The following MTURN variants were observed in gnomAD, a reference collection of about 807,000 sequenced individuals.
MTURN encodes maturin, neural progenitor differentiation regulator homolog.
MTURN carries 7 observed loss-of-function variants against 14.9 expected under a neutral mutation model. The ratio of observed to expected loss-of-function variants is 0.47; its 90% confidence interval spans 0.27 to 0.88. MTURN has a LOEUF of 0.88. MTURN is among the 40% of genes least tolerant of loss of function. MTURN has a pLI of 0.14. For synonymous variants in MTURN, 69 were observed against 72.5 expected (o/e 0.95, Z 0.25); for missense variants, 151 against 174.1 (o/e 0.87, Z 0.75).
intron 1 of MTURN, among the ~76,000 whole-genome samples, chr7:30,140,394 G>GTT (rs1797032133): frequency 2.8e-5 from 1 of 36,268 alleles, no homozygotes; most frequent in Non-Finnish European, 8.1e-5. Context: ...TTTGTAGAGG[G>GTT]GTGTGTGTGT....
Position 30,157,938 on chromosome 7 carries a change from G to C in MTURN, c.*390G>C, listed in dbSNP as rs1797311924. ...TCACAGGTGACCTTACTGAGGGAAA[G>C]CATGGCAGAGAAGAAATGCAGTCTG... is the stretch of plus-strand genomic sequence containing the variant. On this transcript the variant is annotated 3_prime_UTR_variant, in exon 3 of 3. Coordinates refer to ENST00000324453, the MANE Select transcript of MTURN (RefSeq NM_152793.3). 1 of 153,374 alleles carries C rather than the reference G, an allele frequency of 6.5e-6. No homozygotes were observed. The highest frequency in any genetic ancestry group is 1.5e-5 in the Non-Finnish European group (1 of 68,480). The allele number at this position is 153,374 out of a possible 1,614,324, so 9.5% of individuals were successfully genotyped here.
intron 1 of MTURN, among the ~76,000 whole-genome samples, chr7:30,136,849 A>G (rs1277007936): frequency 2.6e-5 from 4 of 152,174 alleles, no homozygotes; most frequent in Non-Finnish European, 5.9e-5. Flanking sequence ...AACGCACCGA[A>G]TAGTCCCTAA....
At chr7:30,154,090 C>G (rs111949729) in intron 2 of MTURN, among the ~76,000 whole-genome samples, 1 of 152,106 alleles carries the variant, frequency 6.6e-6, no homozygotes, top group Non-Finnish European at 1.5e-5. Flanking sequence ...AGCCAGCAAA[C>G]GAGACACGGG....
intron 1 of MTURN, 56 bp downstream of exon 1, chr7:30,135,354 C>G (rs1470129000): frequency 9.8e-6 from 14 of 1,422,602 alleles, no homozygotes; most frequent in Non-Finnish European, 1.3e-5. Context: ...CGCGGCGGTG[C>G]GTCCCTGCGC....
intron 1 of MTURN, among the ~76,000 whole-genome samples, chr7:30,141,716 G>A (rs776598235): frequency 3.3e-5 from 5 of 152,090 alleles, no homozygotes; most frequent in Non-Finnish European, 1.5e-5. Flanking sequence ...GGAGACTGGA[G>A]TCTTGCTCTG....
At chr7:30,142,540 T>G (rs1399112566) in intron 1 of MTURN, among the ~76,000 whole-genome samples, 1 of 152,228 alleles carries the variant, frequency 6.6e-6, no homozygotes, top group African/African-American at 2.4e-5. Context: ...AGCTGGGAAT[T>G]TGTTGGAAAT....
At chr7:30,143,638 G>A (rs1294377790) in intron 1 of MTURN, among the ~76,000 whole-genome samples, 5 of 152,060 alleles carry the variant, frequency 3.3e-5, no homozygotes, top group Admixed American at 6.6e-5. Flanking sequence ...TAACAGAACT[G>A]GTAATAGGTG....
rs1797199396 is a variant in MTURN at position 30,150,778 on chromosome 7, T to G, written c.285+4479T>G. On this transcript the variant is annotated intron_variant, in intron 2 of 2. Transcript: ENST00000324453. ...GGAGGAAGTCCAGGAAGCGTCCATCTTGGCTGCCTCAGCTCCGTTTCCTTA... is the reference window on the plus strand; with the variant it reads ...GGAGGAAGTCCAGGAAGCGTCCATCGTGGCTGCCTCAGCTCCGTTTCCTTA... 2.6e-5 allele frequency among the ~76,000 whole-genome samples: 4 copies of G among 152,358 alleles called. No individual in the cohort carries two copies. In the South Asian group the frequency reaches 8.3e-4, roughly 32 times the overall value.
intron 1 of MTURN, chr7:30,140,874 C>A (rs1388750320): frequency 1.3e-5 from 2 of 152,182 alleles, no homozygotes; most frequent in Non-Finnish European, 2.9e-5. Flanking sequence ...CCCCTGAAAT[C>A]TTTAGATTCC....
At chr7:30,139,004 G>A (rs1199927989) in intron 1 of MTURN, among the ~76,000 whole-genome samples, 1 of 152,128 alleles carries the variant, frequency 6.6e-6, no homozygotes, top group Non-Finnish European at 1.5e-5. Context: ...TCTTCCCATA[G>A]CACTCGTTAG....
In MTURN at chr7:30,159,576, T is replaced by TA. The variant is rs1204954508; in HGVS notation, c.*2030dup. 15 of 152,680 alleles carry TA rather than the reference T, an allele frequency of 9.8e-5. No homozygotes were observed. Among genetic ancestry groups the TA allele is most frequent in the Admixed American group, 9.8e-4 (15 of 15,290 alleles). The allele number at this position is 152,680 out of a possible 1,614,324, so 9.5% of individuals were successfully genotyped here. A position where few individuals can be genotyped will look rare whatever the true frequency, so the allele number is the denominator to read the frequency against. On this transcript the variant is annotated 3_prime_UTR_variant, in exon 3 of 3. Coordinates refer to ENST00000324453, the MANE Select transcript of MTURN (RefSeq NM_152793.3). ...CAAATACATGTTGGTATTATCATGT[T>TA]AATGTTCTCTGTTTATAAAAATTGA...
At chr7:30,143,591 A>G (rs934173839) in intron 1 of MTURN, among the ~76,000 whole-genome samples, 7 of 152,140 alleles carry the variant, frequency 4.6e-5, no homozygotes, top group Non-Finnish European at 7.4e-5. Context: ...TCATGTGGAC[A>G]AGGATTCAGT....
At position 30,135,056 on chromosome 7, in the gene MTURN, G is replaced by C. The variant is rs1184885185; in HGVS notation, c.-81G>C. The C allele has an allele frequency of 2.6e-6, 3 of 1,157,050 alleles. No individual in the cohort carries two copies. Among genetic ancestry groups the C allele is most frequent in the Non-Finnish European group, 3.2e-6 (3 of 932,532 alleles). 71.7% of individuals were successfully genotyped at this position (1,157,050 alleles called of 1,614,324 possible). ...CGGAGGAGCCCGCGCAGGCCGAGCC[G>C]AGCGCCGCGCTGCCCGCCCGGGAGG... On this transcript the variant is annotated 5_prime_UTR_variant, in exon 1 of 3. Transcript: ENST00000324453.
intron 1 of MTURN, among the ~76,000 whole-genome samples, chr7:30,141,877 G>A (rs955899501): frequency 2.0e-5 from 3 of 152,108 alleles, no homozygotes; most frequent in African/African-American, 7.2e-5. Context: ...CCTCGGTACC[G>A]AGTGGCAGAA....
At chr7:30,150,923 G>A (rs906478048) in intron 2 of MTURN, among the ~76,000 whole-genome samples, 1 of 152,216 alleles carries the variant, frequency 6.6e-6, no homozygotes, top group Non-Finnish European at 1.5e-5. Flanking sequence ...GGGCAATACT[G>A]ATTTAGCTGT....
intron 2 of MTURN, among the ~76,000 whole-genome samples, chr7:30,154,851 C>T (rs747950919): frequency 3.3e-5 from 5 of 152,116 alleles, no homozygotes; most frequent in African/African-American, 1.2e-4. Context: ...GGGGACCTGT[C>T]AGTAGATGTG....
intron 1 of MTURN, among the ~76,000 whole-genome samples, chr7:30,139,792 G>C (rs1373565485): frequency 6.6e-6 from 1 of 152,098 alleles, no homozygotes; most frequent in Non-Finnish European, 1.5e-5. Context: ...CGCTCCACAG[G>C]CCATCCCATC....
chr7:30,151,796 T>G (rs904909158), intron 2 of MTURN, among the ~76,000 whole-genome samples: 3 of 152,154 alleles, frequency 2.0e-5, no homozygotes, highest in African/African-American at 4.8e-5. Flanking sequence ...TTGGCCCAAG[T>G]CCTCTCCTGG....
At position 30,152,336 on chromosome 7, in the gene MTURN, C is replaced by G. The variant is rs1797224361; in HGVS notation, c.286-5102C>G. ...GACCAGGACCCCACCAGGGGTTTCCCCATACCGCCAGCATCATAATCATGA... is the reference window on the plus strand; with the variant it reads ...GACCAGGACCCCACCAGGGGTTTCCGCATACCGCCAGCATCATAATCATGA... On this transcript the variant is annotated intron_variant, in intron 2 of 2. Coordinates refer to ENST00000324453, the MANE Select transcript of MTURN (RefSeq NM_152793.3). Among the ~76,000 whole-genome samples, 3 of 152,180 alleles carry G rather than the reference C, an allele frequency of 2.0e-5. No homozygotes were observed. In the South Asian group the frequency reaches 6.2e-4, roughly 32 times the overall value.
Sources: gnomAD v4.1 joint callset for allele counts (sites outside exome capture counted in the v4.1 genomes callset) on GRCh38, gnomAD v4.1.1 for gene constraint, MANE v1.5 for transcripts, NCBI Gene and HGNC (gene_info 2026-07-23, HGNC 2026-07-21) for gene names.